Variants in MBTPS1 observed in about 807,000 individuals in gnomAD.
MBTPS1 encodes the protein membrane-bound transcription factor site-1 protease.
In MBTPS1, 94 loss-of-function variants were observed where a neutral mutation model predicts 127.8. That is an observed-to-expected ratio of 0.74 (90% CI 0.62 to 0.87). MBTPS1 has a LOEUF of 0.87. Among genes scored for constraint, MBTPS1 ranks in the 40% least tolerant of loss-of-function variants. MBTPS1 has a pLI of 0.00. For missense variants in MBTPS1, 1,636 were observed against 1,353.2 expected, an observed-to-expected ratio of 1.21 and a Z score of -3.28; for synonymous variants, 632 against 509.4, an observed-to-expected ratio of 1.24 and a Z score of -3.24.
intron 22 of MBTPS1, among the ~76,000 whole-genome samples, chr16:84,055,568 G>T (rs1354332689): frequency 6.6e-6 from 1 of 152,134 alleles, no homozygotes; most frequent in Non-Finnish European, 1.5e-5. Context: ...GTCCCTCCCA[G>T]GGGGGCAGGG....
Position 84,070,714 on chromosome 16 carries a change from G to A in MBTPS1, c.1656C>T (p.Ser552=). ...GDNIEVAFSY[S]SVLWPWSGYL... Reference sequence around the variant, plus strand: ...AGCCCGACCAAGGCCATAAGACCGAGGAGTAGGAGAAGGCAACTTCAATGT... The same window carrying A: ...AGCCCGACCAAGGCCATAAGACCGAAGAGTAGGAGAAGGCAACTTCAATGT... The change falls in exon 13 of 23, where the codon TCC becomes TCT. Residue 552 remains serine, a synonymous_variant. Coordinates refer to ENST00000343411, the MANE Select transcript of MBTPS1 (RefSeq NM_003791.4). The A allele has an allele frequency of 3.7e-6, 6 of 1,614,098 alleles. No homozygotes were observed. The highest frequency in any genetic ancestry group is 5.1e-6 in the Non-Finnish European group (6 of 1,179,996).
intron 18 of MBTPS1, among the ~76,000 whole-genome samples, chr16:84,064,281 G>A (rs1024140688): frequency 6.6e-6 from 1 of 151,934 alleles, no homozygotes; most frequent in Non-Finnish European, 1.5e-5. Context: ...AATCCTACTA[G>A]GAGCTGAGTA....
chr16:84,085,583 A>C (rs1553818), intron 9 of MBTPS1, among the ~76,000 whole-genome samples: 38,291 of 81,074 alleles, frequency 0.47, 7,241 homozygotes, highest in East Asian at 0.64. Flanking sequence ...CCCCCCCCCA[A>C]AAAAAAAGAG....
intron 5 of MBTPS1, 112 bp from the exon 6 acceptor site, chr16:84,093,409 G>T: frequency 2.6e-6 from 2 of 758,120 alleles, no homozygotes; most frequent in Non-Finnish European, 2.3e-6. Context: ...GCTGGATAGA[G>T]GAGGGCCTCT....
intron 8 of MBTPS1, among the ~76,000 whole-genome samples, chr16:84,088,823 C>A (rs1275193723): frequency 6.6e-6 from 1 of 152,132 alleles, no homozygotes; most frequent in African/African-American, 2.4e-5. Flanking sequence ...CAGAAAAAAC[C>A]ACACCCACCA....
intron 12 of MBTPS1, 97 bp from the exon 13 acceptor site, chr16:84,070,873 C>T (rs1980011): frequency 0.7 from 652,292 of 930,406 alleles, 229,616 homozygotes; most frequent in East Asian, 0.89. Flanking sequence ...AAACTGGTTC[C>T]GAGAAATACT....
chr16:84,090,839 A>G, intron 8 of MBTPS1, 36 bp downstream of exon 8: 2 of 1,514,146 alleles, frequency 1.3e-6, no homozygotes, highest in Non-Finnish European at 1.8e-6. Context: ...TAAGGGGGAA[A>G]AAATCCCCGA....
intron 1 of MBTPS1, among the ~76,000 whole-genome samples, chr16:84,104,850 C>A (rs2086301866): frequency 6.6e-6 from 1 of 151,724 alleles, no homozygotes; most frequent in African/African-American, 2.4e-5. Flanking sequence ...CTGAGGCCGG[C>A]GGATCACTTG....
chr16:84,069,431 G>T (rs1386585880), intron 14 of MBTPS1, among the ~76,000 whole-genome samples: 1 of 144,702 alleles, frequency 6.9e-6, no homozygotes, highest in African/African-American at 2.5e-5. Flanking sequence ...TTTGTTTTAA[G>T]ATTACCAAGG....
At chr16:84,073,823 G>C (rs966551880) in intron 12 of MBTPS1, among the ~76,000 whole-genome samples, 3 of 152,042 alleles carry the variant, frequency 2.0e-5, no homozygotes, top group African/African-American at 4.8e-5. Context: ...TGGCCAACAT[G>C]GTGAAACCCT....
intron 6 of MBTPS1, among the ~76,000 whole-genome samples, chr16:84,092,144 C>T (rs764958573): frequency 2.0e-5 from 3 of 152,140 alleles, no homozygotes; most frequent in African/African-American, 4.8e-5. Context: ...CTAGATAACA[C>T]CCAAGCTCCC....
At chr16:84,063,999 C>T (rs2151143417) in intron 18 of MBTPS1, among the ~76,000 whole-genome samples, 1 of 152,306 alleles carries the variant, frequency 6.6e-6, no homozygotes, top group South Asian at 2.1e-4. Flanking sequence ...TTCACAAAGA[C>T]ACATGTTCCA....
chr16:84,104,515 C>G (rs1284741317), intron 1 of MBTPS1, among the ~76,000 whole-genome samples: 1 of 152,080 alleles, frequency 6.6e-6, no homozygotes, highest in Non-Finnish European at 1.5e-5. Context: ...TTTTCTGCCT[C>G]AAGCTAAAGA....
At chr16:84,100,100 A>G (rs1446615986) in intron 2 of MBTPS1, among the ~76,000 whole-genome samples, 1 of 152,190 alleles carries the variant, frequency 6.6e-6, no homozygotes, top group Non-Finnish European at 1.5e-5. Flanking sequence ...ACCAATTACA[A>G]TGGCACCTGT....
rs1035168234 is a variant in MBTPS1 at position 84,106,297 on chromosome 16, A to AAAT, written c.-324-4193_-324-4191dup. Reference sequence around the variant, plus strand: ...GCAACAAGAGCAAAACTCCATCTCAAAATAATAATAATAATAAATAAATAA... The same window carrying AAAT: ...GCAACAAGAGCAAAACTCCATCTCAAAATAATAATAATAATAATAAATAAATAA... On this transcript the variant is annotated intron_variant, in intron 1 of 22. Coordinates refer to ENST00000343411, the MANE Select transcript of MBTPS1 (RefSeq NM_003791.4). Among the ~76,000 whole-genome samples, 15 of 152,226 alleles carry AAAT rather than the reference A, an allele frequency of 9.9e-5. No homozygotes were observed. In the South Asian group the frequency reaches 2.1e-3, roughly 21 times the overall value.
intron 19 of MBTPS1, among the ~76,000 whole-genome samples, chr16:84,062,359 C>A (rs569710738): frequency 5.3e-5 from 8 of 152,148 alleles, no homozygotes; most frequent in African/African-American, 1.9e-4. Context: ...GACCTTGTGA[C>A]CCACTCACCT....
chr16:84,105,071 G>A (rs867683923), intron 1 of MBTPS1, among the ~76,000 whole-genome samples: 115 of 151,416 alleles, frequency 7.6e-4, no homozygotes, highest in African/African-American at 2.6e-3. Context: ...CACTGCAGCA[G>A]TCCCGCCTGG....
intron 11 of MBTPS1, among the ~76,000 whole-genome samples, chr16:84,079,607 T>C (rs2085910464): frequency 6.6e-6 from 1 of 152,180 alleles, no homozygotes; most frequent in South Asian, 2.1e-4. Context: ...ACGTATACAC[T>C]ACAACTAAGC....
chr16:84,104,349 T>C (rs893319175), intron 1 of MBTPS1, among the ~76,000 whole-genome samples: 3 of 152,026 alleles, frequency 2.0e-5, no homozygotes, highest in Non-Finnish European at 4.4e-5. Context: ...CTAGGCATGG[T>C]GGCGCGCCTA....
Sources: gnomAD v4.1 joint callset for allele counts (sites outside exome capture counted in the v4.1 genomes callset) on GRCh38, gnomAD v4.1.1 for gene constraint, MANE v1.5 for transcripts, NCBI Gene and HGNC (gene_info 2026-07-23, HGNC 2026-07-21) for gene names.